Variants in ANKRD28 observed in about 807,000 individuals in gnomAD.
ANKRD28 encodes the protein ankyrin repeat domain 28.
Under a neutral mutation model 126.5 loss-of-function variants are expected in ANKRD28, and 44 were observed. That is an observed-to-expected ratio of 0.35 (90% CI 0.27 to 0.45). The LOEUF is 0.45. Ranked by LOEUF, ANKRD28 falls within the 20% of genes least tolerant of loss-of-function variation. The pLI is 1.00. For missense variants in ANKRD28, 1,110 were observed against 1,316.6 expected (o/e 0.84, Z 2.43); for synonymous variants, 442 against 468.5 (o/e 0.94, Z 0.73).
chr3:15,817,957 T>C lies in ANKRD28; in HGVS notation c.28-22651A>G, dbSNP rs2060866872. Among the ~76,000 whole-genome samples the C allele has an allele frequency of 6.6e-6, 1 of 152,176 alleles. No individual in the cohort carries two copies. Among genetic ancestry groups the C allele is most frequent in the African/African-American group, 2.4e-5 (1 of 41,434 alleles). ...GATTACCATTGCTGTTTCTACATAC[T>C]ACCAATGAACAACTGGAAATCAAAA... On this transcript the variant is annotated intron_variant, in intron 1 of 27. Coordinates refer to the ANKRD28 transcript ENST00000399451. This position sits in a 1 kb window ranked among gnomAD's most constrained non-coding sequence, Gnocchi z 4.5.
intron 4 of ANKRD28, among the ~76,000 whole-genome samples, chr3:15,744,860 C>T (rs1035089208): frequency 6.6e-6 from 1 of 152,170 alleles, no homozygotes; most frequent in African/African-American, 2.4e-5. Flanking sequence ...TTCCCACCGA[C>T]AGTGTAAAAG....
At chr3:15,852,661 G>A (rs566908542) in intron 1 of ANKRD28, among the ~76,000 whole-genome samples, 5 of 151,250 alleles carry the variant, frequency 3.3e-5, no homozygotes, top group Admixed American at 6.6e-5. Context: ...GTGAAACCCC[G>A]TCTCTACTAA....
rs767745461 is a variant in ANKRD28 at position 15,853,973 on chromosome 3, TAC to T, written c.27+5402_27+5403del. 7.9e-5 allele frequency among the ~76,000 whole-genome samples: 12 copies of T among 152,226 alleles called. No individual in the cohort carries two copies. Among genetic ancestry groups the T allele is most frequent in the Non-Finnish European group, 1.5e-4 (10 of 68,038 alleles). ...CCTAGTACTTAATGTTCTCGATCTG[TAC>T]TAAAATATTTTACGTATGTTCTGAT... is the stretch of plus-strand genomic sequence containing the variant. On this transcript the variant is annotated intron_variant, in intron 1 of 27. Transcript: ENST00000399451. The surrounding 1 kb of genome is among the most constrained non-coding windows in gnomAD (Gnocchi z 4.2).
intron 8 of ANKRD28, 40 bp downstream of exon 8, chr3:15,720,875 G>T: frequency 6.4e-7 from 1 of 1,566,004 alleles, no homozygotes; most frequent in South Asian, 1.1e-5. Flanking sequence ...TTTTAACAGT[G>T]ACATATGAAA....
At chr3:15,681,790 C>T (rs1239328469) in intron 21 of ANKRD28, among the ~76,000 whole-genome samples, 4 of 152,164 alleles carry the variant, frequency 2.6e-5, no homozygotes, top group Non-Finnish European at 4.4e-5. Flanking sequence ...TGCCTACAGA[C>T]ATTTTTGTTT....
At chr3:15,770,214 C>G (rs2058932663) in intron 2 of ANKRD28, among the ~76,000 whole-genome samples, 2 of 152,024 alleles carry the variant, frequency 1.3e-5, no homozygotes, top group Non-Finnish European at 2.9e-5. Context: ...ACTGTTAAAA[C>G]TAGTTCCAAG....
At chr3:15,735,015 T>C (rs1053579727) in intron 6 of ANKRD28, among the ~76,000 whole-genome samples, 1 of 152,182 alleles carries the variant, frequency 6.6e-6, no homozygotes, top group Non-Finnish European at 1.5e-5. Flanking sequence ...AAATCAAACA[T>C]GGTAATACAC....
At position 15,791,395 on chromosome 3, in the gene ANKRD28, T is replaced by C. The variant is rs573949803; in HGVS notation, c.201+3828A>G. ...CAGACCTATCGTAACCAAAACAGCA[T>C]GGTACTGTCACAAAAACAGACACGT... On this transcript the variant is annotated intron_variant, in intron 2 of 27. Coordinates refer to ENST00000683139, the MANE Select transcript of ANKRD28 (RefSeq NM_001349278.2). Among the ~76,000 whole-genome samples the C allele has an allele frequency of 7.2e-5, 11 of 151,792 alleles. No individual in the cohort carries two copies. In the South Asian group the frequency reaches 2.3e-3, roughly 32 times the overall value.
At chr3:15,675,790 T>C (rs2066873680) in intron 27 of ANKRD28, 108 bp downstream of exon 27, 1 of 936,174 alleles carries the variant, frequency 1.1e-6, no homozygotes, top group Admixed American at 3.2e-5. Context: ...ATATTAACTT[T>C]AGCTCTCCTC....
intron 21 of ANKRD28, 26 bp downstream of exon 21, chr3:15,685,200 T>C (rs375143793): frequency 3.8e-6 from 6 of 1,587,854 alleles, no homozygotes; most frequent in Non-Finnish European, 4.3e-6. Flanking sequence ...TACACAATGA[T>C]ATGCATTTGT....
In ANKRD28 at chr3:15,854,464, T is replaced by A. The variant is rs1472504170; in HGVS notation, c.27+4913A>T. ...CTCCACTTACAATCAGATTATCTGA[T>A]CCTTTAAATTCTGAAACATGTTATC... On this transcript the variant is annotated intron_variant, in intron 1 of 27. Transcript: ENST00000399451. The surrounding 1 kb of genome is among the most constrained non-coding windows in gnomAD (Gnocchi z 4.1). 6.6e-6 allele frequency among the ~76,000 whole-genome samples: 1 copy of A among 152,176 alleles called. No homozygotes were observed. Among genetic ancestry groups the A allele is most frequent in the Admixed American group, 6.5e-5 (1 of 15,284 alleles).
chr3:15,679,305 C>T lies in ANKRD28; in HGVS notation c.2557G>A (p.Gly853Arg), dbSNP rs779746458. The T allele has an allele frequency of 3.1e-6, 5 of 1,613,702 alleles. No individual in the cohort carries two copies. The East Asian group carries it at 8.9e-5, about 29-fold the overall frequency. Reference protein sequence around the residue: ...ASIVNATDSKGRTPLHAAAFT... With the variant: ...ASIVNATDSKRRTPLHAAAFT... Reference sequence around the variant, plus strand: ...AATACATAGTTGAATTCCTACCTTCCTTTTGAATCTGTGGCGTTCACAATG... The same window carrying T: ...AATACATAGTTGAATTCCTACCTTCTTTTTGAATCTGTGGCGTTCACAATG... Residue 853 changes from glycine to arginine, a missense_variant, in exon 23 of 28, where the codon GGA (glycine) becomes AGA (arginine). Transcript: ENST00000683139.
Position 15,797,157 on chromosome 3 carries a change from C to T in ANKRD28, c.-636G>A. The T allele has an allele frequency of 1.0e-6, 1 of 981,510 alleles. No homozygotes were observed. The highest frequency in any genetic ancestry group is 1.2e-6 in the Non-Finnish European group (1 of 829,028). The allele number at this position is 981,510 out of a possible 1,614,324, so 60.8% of individuals were successfully genotyped here. A position where few individuals can be genotyped will look rare whatever the true frequency, so the allele number is the denominator to read the frequency against. ...CTCAGCACAAATCCTGAAAATGAAG[C>T]TCAGAGGTTAACAATTCTTTCAGTG... On this transcript the variant is annotated 5_prime_UTR_variant, in exon 1 of 28. Coordinates refer to ENST00000683139, the MANE Select transcript of ANKRD28 (RefSeq NM_001349278.2).
At chr3:15,745,702 G>T (rs1265404028) in intron 4 of ANKRD28, among the ~76,000 whole-genome samples, 1 of 150,486 alleles carries the variant, frequency 6.6e-6, no homozygotes, top group Non-Finnish European at 1.5e-5. Context: ...GCTCCTTTTT[G>T]GTTCCATATG....
In ANKRD28 at chr3:15,794,891, T is replaced by C. The variant is rs183669804; in HGVS notation, c.201+332A>G. 1.8e-3 allele frequency among the ~76,000 whole-genome samples: 276 copies of C among 152,326 alleles called. 2 individuals carry two copies. The highest frequency in any genetic ancestry group is 6.5e-3 in the African/African-American group (269 of 41,572). On this transcript the variant is annotated intron_variant, in intron 2 of 27. Transcript: ENST00000683139. ...AACTTACTACATATATATGTAAAAGTTGTATATTAATAAATACAGAAAGCA... is the reference window on the plus strand; with the variant it reads ...AACTTACTACATATATATGTAAAAGCTGTATATTAATAAATACAGAAAGCA...
intron 3 of ANKRD28, among the ~76,000 whole-genome samples, chr3:15,763,249 C>T (rs1473198588): frequency 6.6e-6 from 1 of 152,224 alleles, no homozygotes; most frequent in Non-Finnish European, 1.5e-5. Flanking sequence ...CCTTCTTTCC[C>T]TTTCCACTTA....
intron 26 of ANKRD28, 178 bp downstream of exon 26, chr3:15,676,796 A>G (rs959530504): frequency 5.9e-5 from 28 of 472,380 alleles, no homozygotes; most frequent in African/African-American, 5.4e-4. Context: ...AAGCATTTTA[A>G]ATAATATGGC....
intron 3 of ANKRD28, among the ~76,000 whole-genome samples, chr3:15,757,380 C>T (rs1031711741): frequency 2.6e-5 from 4 of 152,148 alleles, no homozygotes; most frequent in African/African-American, 9.7e-5. Context: ...TGTGCTAAAT[C>T]ATCCTTATGA....
chr3:15,748,620 A>C (rs1375568495), intron 4 of ANKRD28, among the ~76,000 whole-genome samples: 1 of 152,178 alleles, frequency 6.6e-6, no homozygotes, highest in Non-Finnish European at 1.5e-5. Context: ...CACAGCTCTG[A>C]AGATTCTTTC....
Sources: allele counts gnomAD v4.1 joint callset (sites outside exome capture counted in the v4.1 genomes callset), GRCh38; gene constraint gnomAD v4.1.1; non-coding constraint Gnocchi (gnomAD v3.1); transcripts MANE v1.5; gene names NCBI Gene and HGNC (gene_info 2026-07-23, HGNC 2026-07-21).